The following MYRIP variants were observed in gnomAD, a reference collection of about 807,000 sequenced individuals.
The protein encoded by MYRIP is myosin VIIA and Rab interacting protein.
Under a neutral mutation model 98.0 loss-of-function variants are expected in MYRIP, and 49 were observed. That is an observed-to-expected ratio of 0.50 (90% confidence interval 0.40 to 0.63). The LOEUF is 0.63. Among genes scored for constraint, MYRIP ranks in the 30% least tolerant of loss-of-function variants. MYRIP has a pLI of 0.00. For synonymous variants in MYRIP, 404 were observed against 409.5 expected, an observed-to-expected ratio of 0.99 and a Z score of 0.16; for missense variants, 1,004 against 1,058.2, an observed-to-expected ratio of 0.95 and a Z score of 0.71.
intron 1 of MYRIP, among the ~76,000 whole-genome samples, chr3:39,848,544 T>G (rs888942934): frequency 9.2e-5 from 14 of 152,366 alleles, no homozygotes; most frequent in African/African-American, 3.4e-4. Flanking sequence ...CTGATTATTG[T>G]TCATACATAG....
chr3:40,222,064 C>A (rs1245418243), intron 11 of MYRIP, among the ~76,000 whole-genome samples: 1 of 152,104 alleles, frequency 6.6e-6, no homozygotes, highest in African/African-American at 2.4e-5. Flanking sequence ...GGAAAGAATT[C>A]AAGGGTGAGT....
At chr3:40,136,565 A>G (rs1460894182) in intron 3 of MYRIP, among the ~76,000 whole-genome samples, 2 of 152,020 alleles carry the variant, frequency 1.3e-5, no homozygotes, top group African/African-American at 2.4e-5. Context: ...CTCCACCCCA[A>G]ATCAACAGAA....
intron 2 of MYRIP, among the ~76,000 whole-genome samples, chr3:39,983,805 C>T (rs4676548): frequency 0.28 from 41,841 of 152,090 alleles, 6,434 homozygotes; most frequent in Non-Finnish European, 0.35. Context: ...GAACATTCAC[C>T]TTCATGTTAC....
In MYRIP at chr3:40,182,406, T is replaced by C. The variant is rs1463400826; in HGVS notation, c.1027+33T>C. 7 of 1,593,522 alleles carry C rather than the reference T, an allele frequency of 4.4e-6. No homozygotes were observed. In the African/African-American group the frequency reaches 6.7e-5, roughly 15 times the overall value. On this transcript the variant is annotated intron_variant, in intron 9 of 16. Transcript: ENST00000302541. ...TTTTAAGCAGTATCTAGTTGGTCTG[T>C]GGGTTTCAAAAGTGTGGTTTGGAGA... is the stretch of plus-strand genomic sequence containing the variant.
chr3:40,151,457 A>T lies in MYRIP; in HGVS notation c.469+273A>T, dbSNP rs569657266. Among the ~76,000 whole-genome samples, 14 of 152,340 alleles carry T rather than the reference A, an allele frequency of 9.2e-5. No homozygotes were observed. The South Asian group carries it at 2.7e-3, about 29-fold the overall frequency. ...TACAAATTGTGATTATTTTAATCTC[A>T]GATCAAAAATTAGGTATTCTTGATC... On this transcript the variant is annotated intron_variant, in intron 4 of 16. Transcript: ENST00000302541.
intron 3 of MYRIP, among the ~76,000 whole-genome samples, chr3:40,096,117 G>C (rs890887365): frequency 6.6e-6 from 1 of 151,410 alleles, no homozygotes; most frequent in African/African-American, 2.4e-5. Flanking sequence ...CCCTTCAAAG[G>C]TTGGCCTTCA....
chr3:40,209,827 C>T, intron 10 of MYRIP, 27 bp from the exon 11 acceptor site: 1 of 1,613,106 alleles, frequency 6.2e-7, no homozygotes, highest in Non-Finnish European at 8.5e-7. Context: ...GAGGGCTCCT[C>T]ATCTCATGAT....
chr3:39,960,982 C>G (rs774562687), intron 2 of MYRIP, among the ~76,000 whole-genome samples: 1 of 152,064 alleles, frequency 6.6e-6, no homozygotes, highest in Non-Finnish European at 1.5e-5. Flanking sequence ...AATGTCATGC[C>G]GAATGGAATG....
chr3:40,078,445 G>C (rs541100498), intron 3 of MYRIP, among the ~76,000 whole-genome samples: 2 of 152,208 alleles, frequency 1.3e-5, no homozygotes, highest in African/African-American at 4.8e-5. Context: ...TAGAGCAAGC[G>C]AGGGCTGTGA....
At chr3:39,894,488 T>C (rs1420376397) in intron 1 of MYRIP, among the ~76,000 whole-genome samples, 1 of 152,232 alleles carries the variant, frequency 6.6e-6, no homozygotes, top group African/African-American at 2.4e-5. Context: ...TGGGTGAATA[T>C]ACCATAGTTT....
intron 2 of MYRIP, among the ~76,000 whole-genome samples, chr3:39,944,258 T>C (rs1944851440): frequency 6.6e-6 from 1 of 152,152 alleles, no homozygotes; most frequent in Non-Finnish European, 1.5e-5. Context: ...AGATTTGAAA[T>C]GGTATATATT....
intron 5 of MYRIP, among the ~76,000 whole-genome samples, chr3:40,163,554 A>G (rs1032016360): frequency 6.6e-6 from 1 of 152,198 alleles, no homozygotes; most frequent in African/African-American, 2.4e-5. Context: ...CCCAGATAGA[A>G]CAAAAAGGCA....
chr3:40,130,001 C>G (rs576490621), intron 3 of MYRIP, among the ~76,000 whole-genome samples: 1 of 152,266 alleles, frequency 6.6e-6, no homozygotes, highest in South Asian at 2.1e-4. Context: ...GATTAGTATT[C>G]GCAGTATGAT....
intron 2 of MYRIP, among the ~76,000 whole-genome samples, chr3:39,904,911 A>G (rs1943840999): frequency 1.3e-5 from 2 of 152,166 alleles, no homozygotes; most frequent in African/African-American, 2.4e-5. Flanking sequence ...TGTTGGGGGA[A>G]GATAGAGAAT....
At chr3:40,160,466 C>G (rs1206350583) in intron 4 of MYRIP, among the ~76,000 whole-genome samples, 1 of 152,218 alleles carries the variant, frequency 6.6e-6, no homozygotes, top group Non-Finnish European at 1.5e-5. Flanking sequence ...TGCCCTGCCC[C>G]CAGAGGTGGA....
chr3:39,982,894 G>A (rs942645538), intron 2 of MYRIP, among the ~76,000 whole-genome samples: 1 of 152,124 alleles, frequency 6.6e-6, no homozygotes, highest in African/African-American at 2.4e-5. Context: ...TCATAGATAA[G>A]AGGATATGTC....
At chr3:40,253,451 A>G (rs1953457459) in intron 16 of MYRIP, among the ~76,000 whole-genome samples, 1 of 152,232 alleles carries the variant, frequency 6.6e-6, no homozygotes, top group African/African-American at 2.4e-5. Context: ...ATAAGACGAG[A>G]AAACCCTATG....
intron 11 of MYRIP, among the ~76,000 whole-genome samples, chr3:40,210,373 A>T (rs1951893868): frequency 6.6e-6 from 1 of 152,124 alleles, no homozygotes; most frequent in South Asian, 2.1e-4. Context: ...AGTGCCCCTT[A>T]TCCCTCTCAC....
chr3:39,997,589 G>A (rs534478775), intron 2 of MYRIP, among the ~76,000 whole-genome samples: 272 of 151,836 alleles, frequency 1.8e-3, no homozygotes, highest in Non-Finnish European at 2.8e-3. Flanking sequence ...ATTCACAGCC[G>A]AATTCTACCA....
Sources: allele counts gnomAD v4.1 joint callset (sites outside exome capture counted in the v4.1 genomes callset), GRCh38; gene constraint gnomAD v4.1.1; transcripts MANE v1.5; gene names NCBI Gene and HGNC (gene_info 2026-07-23, HGNC 2026-07-21).